PPP2R2B: variants seen among roughly 807,000 people sequenced by gnomAD.
PPP2R2B encodes the protein serine/threonine-protein phosphatase 2A 55 kDa regulatory subunit B beta isoform.
A neutral mutation model predicts 46.0 loss-of-function variants in PPP2R2B; 5 were observed. The observed-to-expected ratio is 0.11, with a 90% CI of 0.06 to 0.23. The LOEUF is 0.23. PPP2R2B is among the 10% of genes least tolerant of loss of function. The pLI is 1.00. For missense variants in PPP2R2B, 367 were observed against 575.0 expected, an observed-to-expected ratio of 0.64 and a Z score of 3.70; for synonymous variants, 215 against 206.7, an observed-to-expected ratio of 1.04 and a Z score of -0.34.
intron 2 of PPP2R2B, among the ~76,000 whole-genome samples, chr5:146,862,706 A>G (rs948921139): frequency 3.9e-5 from 6 of 152,136 alleles, no homozygotes; most frequent in Non-Finnish European, 8.8e-5. Context: ...GAAGGTTTAT[A>G]AGCACAGGAG....
chr5:147,040,426 G>T (rs1756237960), intron 1 of PPP2R2B, among the ~76,000 whole-genome samples: 1 of 152,006 alleles, frequency 6.6e-6, no homozygotes, highest in South Asian at 2.1e-4. Context: ...CAAATAAAGT[G>T]AATTTGGAGG....
At chr5:146,903,520 T>C (rs1473427102) in intron 1 of PPP2R2B, among the ~76,000 whole-genome samples, 3 of 151,886 alleles carry the variant, frequency 2.0e-5, no homozygotes, top group Non-Finnish European at 4.4e-5. Flanking sequence ...CTCAGCCTCC[T>C]GAGTAGCCGG....
chr5:146,615,675 C>G lies in PPP2R2B; in HGVS notation c.791-15215G>C, dbSNP rs113179897. Among the ~76,000 whole-genome samples, 952 of 151,900 alleles carry G rather than the reference C, an allele frequency of 6.3e-3. 13 individuals carry two copies. Among genetic ancestry groups the G allele is most frequent in the African/African-American group, 0.022 (898 of 41,416 alleles). On this transcript the variant is annotated intron_variant, in intron 7 of 9. Transcript: ENST00000394411. ...TACAAATTAAAAACCAAGGATTTAA[C>G]TTACTTACCCAGAGAAGTAAAAGGT...
intron 8 of PPP2R2B, among the ~76,000 whole-genome samples, chr5:146,599,141 T>C (rs774278544): frequency 1.2e-4 from 19 of 152,148 alleles, no homozygotes; most frequent in Non-Finnish European, 2.4e-4. Flanking sequence ...CTTCTTTAAG[T>C]CCTCTCTACT....
chr5:146,766,942 T>C (rs1326100246), intron 2 of PPP2R2B, among the ~76,000 whole-genome samples: 8 of 151,194 alleles, frequency 5.3e-5, no homozygotes, highest in Non-Finnish European at 1.0e-4. Context: ...TTGTCCCAGC[T>C]ACTTGGGAGG....
intron 5 of PPP2R2B, among the ~76,000 whole-genome samples, chr5:146,671,950 C>A (rs942616986): frequency 1.3e-5 from 2 of 151,936 alleles, no homozygotes; most frequent in African/African-American, 4.8e-5. Context: ...TTAAGTTAAA[C>A]GATAAGCAAA....
chr5:146,669,178 A>G (rs1777187638), intron 5 of PPP2R2B, among the ~76,000 whole-genome samples: 1 of 152,218 alleles, frequency 6.6e-6, no homozygotes, highest in African/African-American at 2.4e-5. Flanking sequence ...TTTTGCCTCT[A>G]ATCTAGGAAT....
intron 6 of PPP2R2B, 44 bp from the exon 7 acceptor site, chr5:146,638,459 G>A: frequency 2.0e-6 from 3 of 1,522,710 alleles, no homozygotes; most frequent in South Asian, 1.3e-5. Context: ...AAGGAGGCAG[G>A]AACTTGGGGA....
At chr5:146,708,391 A>ATG (rs1235015740) in intron 2 of PPP2R2B, among the ~76,000 whole-genome samples, 1 of 134,820 alleles carries the variant, frequency 7.4e-6, no homozygotes, top group African/African-American at 2.8e-5. Flanking sequence ...CTGTATATCT[A>ATG]TGTATGTGTG....
At chr5:146,665,077 C>T (rs1776899192) in intron 5 of PPP2R2B, among the ~76,000 whole-genome samples, 1 of 152,106 alleles carries the variant, frequency 6.6e-6, no homozygotes, top group African/African-American at 2.4e-5. Context: ...TTCTTAAGGG[C>T]CCCAGGACTT....
chr5:146,832,174 C>T (rs1758980993), intron 2 of PPP2R2B, among the ~76,000 whole-genome samples: 1 of 151,994 alleles, frequency 6.6e-6, no homozygotes, highest in South Asian at 2.1e-4. Flanking sequence ...AAGTTATAGT[C>T]AGCTAAGCTT....
chr5:146,651,328 A>C (rs1399092091), intron 5 of PPP2R2B, among the ~76,000 whole-genome samples: 2 of 152,194 alleles, frequency 1.3e-5, no homozygotes, highest in Non-Finnish European at 2.9e-5. Context: ...TTTGTCTTAG[A>C]GTGCGAACCA....
intron 4 of PPP2R2B, among the ~76,000 whole-genome samples, chr5:146,693,141 C>G (rs1778974015): frequency 1.3e-5 from 2 of 151,934 alleles, no homozygotes; most frequent in South Asian, 4.2e-4. Context: ...CCCTCCCTCC[C>G]TTTTTTCCTT....
At chr5:146,987,240 T>C (rs577561527) in intron 1 of PPP2R2B, among the ~76,000 whole-genome samples, 18 of 152,112 alleles carry the variant, frequency 1.2e-4, no homozygotes, top group Admixed American at 2.6e-4. Flanking sequence ...ACCTGACTTA[T>C]AATAAATACT....
intron 1 of PPP2R2B, among the ~76,000 whole-genome samples, chr5:147,017,809 T>C (rs1755074726): frequency 6.6e-6 from 1 of 152,068 alleles, no homozygotes; most frequent in Non-Finnish European, 1.5e-5. Context: ...TTGGAAAAGA[T>C]GATGTCATGT....
chr5:146,868,534 C>T (rs747777446), intron 2 of PPP2R2B, among the ~76,000 whole-genome samples: 1 of 152,138 alleles, frequency 6.6e-6, no homozygotes, highest in African/African-American at 2.4e-5. Flanking sequence ...CCTCCCCCAT[C>T]TTCAACCTCA....
intron 1 of PPP2R2B, among the ~76,000 whole-genome samples, chr5:146,961,492 G>A (rs903479208): frequency 6.6e-6 from 1 of 152,112 alleles, no homozygotes; most frequent in Admixed American, 6.5e-5. Flanking sequence ...TTGCCTACCT[G>A]ATAGGTAAAA....
chr5:146,648,545 G>A (rs546244264), intron 6 of PPP2R2B, among the ~76,000 whole-genome samples: 98 of 152,162 alleles, frequency 6.4e-4, no homozygotes, highest in African/African-American at 2.2e-3. Flanking sequence ...AGTGTTCCAC[G>A]TACTGGAATA....
chr5:146,745,447 A>T (rs1047711052), intron 2 of PPP2R2B, among the ~76,000 whole-genome samples: 4 of 152,232 alleles, frequency 2.6e-5, no homozygotes, highest in African/African-American at 9.6e-5. Context: ...TAAATATATC[A>T]GCATTTTGTC....
Sources: gnomAD v4.1 joint callset for allele counts (sites outside exome capture counted in the v4.1 genomes callset) on GRCh38, gnomAD v4.1.1 for gene constraint, MANE v1.5 for transcripts, NCBI Gene and HGNC (gene_info 2026-07-23, HGNC 2026-07-21) for gene names.